ARHGAP24: variants seen among roughly 807,000 people sequenced by gnomAD.
ARHGAP24 encodes Rho GTPase activating protein 24, also known as rho GTPase-activating protein 24.
In ARHGAP24, 50 loss-of-function variants were observed where a neutral mutation model predicts 76.4. The ratio of observed to expected loss-of-function variants is 0.65; its 90% CI spans 0.52 to 0.83. The LOEUF is 0.83. Among genes scored for constraint, ARHGAP24 ranks in the 40% least tolerant of loss-of-function variants. ARHGAP24 has a pLI of 0.00. For synonymous variants in ARHGAP24, 345 were observed against 323.3 expected (o/e 1.07, Z -0.72); for missense variants, 930 against 914.2 (o/e 1.02, Z -0.22).
At chr4:85,505,783 G>A (rs549686444) in intron 1 of ARHGAP24, among the ~76,000 whole-genome samples, 2 of 152,038 alleles carry the variant, frequency 1.3e-5, no homozygotes, top group Non-Finnish European at 2.9e-5. Context: ...GAGGAGCTGC[G>A]ATCCTTTGAA....
In ARHGAP24 at chr4:85,972,160, G is replaced by A. The variant is rs765406736; in HGVS notation, c.724G>A (p.Glu242Lys). ...ATGTGCCAAACTGCTCAGCAAGGAA[G>A]AGGAAGCAGTAAGTTGATGCATTTA... ...LSCAKLLSKEEEAGVKELAKQ... is the reference protein window; with the variant it reads ...LSCAKLLSKEKEAGVKELAKQ... Residue 242 changes from glutamate (E) to lysine (K), a missense_variant, in exon 6 of 10, where the codon GAG becomes AAG. Glu to Lys is a moderately conservative substitution (Grantham distance 56). Coordinates refer to ENST00000395184, the MANE Select transcript of ARHGAP24 (RefSeq NM_001025616.3). The A allele has an allele frequency of 5.0e-6, 8 of 1,613,440 alleles. No individual in the cohort carries two copies. The African/African-American group carries it at 1.1e-4, about 22-fold the overall frequency.
chr4:85,907,304 C>T (rs1048081392), intron 3 of ARHGAP24, among the ~76,000 whole-genome samples: 6 of 152,076 alleles, frequency 3.9e-5, no homozygotes, highest in Admixed American at 3.9e-4. Flanking sequence ...CAAATGTAGT[C>T]CATTTAATTT....
intron 1 of ARHGAP24, among the ~76,000 whole-genome samples, chr4:85,533,725 A>G (rs1247441166): frequency 6.6e-6 from 1 of 152,186 alleles, no homozygotes. Flanking sequence ...TATCACTAAC[A>G]TAATTTTGTT....
At chr4:85,681,755 GCTGT>G (rs1410132532) in intron 2 of ARHGAP24, among the ~76,000 whole-genome samples, 3 of 152,194 alleles carry the variant, frequency 2.0e-5, no homozygotes, top group Non-Finnish European at 2.9e-5. Context: ...AGAAAATTGA[GCTGT>G]CTAAGCTGGA....
At chr4:85,514,733 T>C (rs1007822568) in intron 1 of ARHGAP24, among the ~76,000 whole-genome samples, 1 of 147,132 alleles carries the variant, frequency 6.8e-6, no homozygotes. Context: ...AGGGATCTAT[T>C]CATCATAAAC....
intron 2 of ARHGAP24, among the ~76,000 whole-genome samples, chr4:85,713,053 G>C (rs547923499): frequency 1.3e-5 from 2 of 152,214 alleles, no homozygotes; most frequent in South Asian, 2.1e-4. Flanking sequence ...ATCCCAGCAC[G>C]TGAAGAGTCT....
chr4:85,980,228 A>G (rs908027414), intron 8 of ARHGAP24, among the ~76,000 whole-genome samples: 2 of 152,228 alleles, frequency 1.3e-5, no homozygotes, highest in Non-Finnish European at 2.9e-5. Context: ...GTAGATATAA[A>G]TGCACACTAC....
intron 2 of ARHGAP24, among the ~76,000 whole-genome samples, chr4:85,701,850 CAT>C (rs947569766): frequency 3.5e-4 from 54 of 152,198 alleles, no homozygotes; most frequent in Non-Finnish European, 6.8e-4. Context: ...TTAATGGAAA[CAT>C]ATGGTAAATG....
At chr4:85,999,433 C>T (rs941866020) in intron 9 of ARHGAP24, among the ~76,000 whole-genome samples, 1 of 152,110 alleles carries the variant, frequency 6.6e-6, no homozygotes, top group African/African-American at 2.4e-5. Context: ...GATGAAATAT[C>T]AACATGTGGG....
intron 2 of ARHGAP24, among the ~76,000 whole-genome samples, chr4:85,706,764 C>A (rs1025441677): frequency 6.6e-6 from 1 of 151,926 alleles, no homozygotes; most frequent in Non-Finnish European, 1.5e-5. Flanking sequence ...CGGGGTTTCA[C>A]CATGTTGGTC....
chr4:85,956,898 T>C (rs1737946460), intron 5 of ARHGAP24, among the ~76,000 whole-genome samples: 1 of 151,916 alleles, frequency 6.6e-6, no homozygotes, highest in Admixed American at 6.6e-5. Flanking sequence ...AAAACAGAGC[T>C]CCCATACAAA....
chr4:85,899,880 T>C (rs1734398167), intron 3 of ARHGAP24, among the ~76,000 whole-genome samples: 1 of 152,126 alleles, frequency 6.6e-6, no homozygotes, highest in Admixed American at 6.6e-5. Context: ...AGAGACCTAG[T>C]CTCAATAAAA....
chr4:85,780,160 G>GTTTATTT (rs80310268), intron 3 of ARHGAP24, among the ~76,000 whole-genome samples: 145,696 of 151,434 alleles, frequency 0.96, 70,353 homozygotes, highest in South Asian at 1. Context: ...CATAATCACT[G>GTTTATTT]TTTATTTTTT....
chr4:85,742,272 G>A (rs1391287233), intron 3 of ARHGAP24, among the ~76,000 whole-genome samples: 1 of 152,220 alleles, frequency 6.6e-6, no homozygotes, highest in African/African-American at 2.4e-5. Context: ...CCGAGATACT[G>A]ATGATGTCTC....
intron 1 of ARHGAP24, among the ~76,000 whole-genome samples, chr4:85,564,639 T>C (rs1276225836): frequency 1.3e-5 from 2 of 151,304 alleles, no homozygotes; most frequent in Non-Finnish European, 2.9e-5. Flanking sequence ...GAGGGGGAGA[T>C]GGTTTGGGGA....
At chr4:85,934,999 G>A (rs1044917540) in intron 4 of ARHGAP24, among the ~76,000 whole-genome samples, 2 of 152,174 alleles carry the variant, frequency 1.3e-5, no homozygotes, top group Admixed American at 6.5e-5. Flanking sequence ...ATTCAAGATC[G>A]ATTACAAACT....
intron 3 of ARHGAP24, among the ~76,000 whole-genome samples, chr4:85,739,376 A>G (rs1299710878): frequency 1.3e-5 from 2 of 152,022 alleles, no homozygotes; most frequent in East Asian, 1.9e-4. Flanking sequence ...CCAATCATCA[A>G]CCAGTGGTGC....
intron 1 of ARHGAP24, among the ~76,000 whole-genome samples, chr4:85,569,733 C>G (rs1398144763): frequency 1.3e-5 from 2 of 152,140 alleles, no homozygotes; most frequent in Non-Finnish European, 2.9e-5. Flanking sequence ...TGTACGAATC[C>G]CTGACCAGCC....
intron 1 of ARHGAP24, among the ~76,000 whole-genome samples, chr4:85,556,451 G>C (rs1194305319): frequency 6.6e-6 from 1 of 152,272 alleles, no homozygotes; most frequent in South Asian, 2.1e-4. Flanking sequence ...TATGATAGCT[G>C]CAGCTTGCTG....
Sources: allele counts gnomAD v4.1 joint callset (sites outside exome capture counted in the v4.1 genomes callset), GRCh38; gene constraint gnomAD v4.1.1; transcripts MANE v1.5; gene names NCBI Gene and HGNC (gene_info 2026-07-23, HGNC 2026-07-21).